CBFA2T3: variants seen among roughly 807,000 people sequenced by gnomAD.
The protein encoded by CBFA2T3 is transcriptional corepressor CBFA2T3.
CBFA2T3 carries 31 observed loss-of-function variants against 58.6 expected under a neutral mutation model. The ratio of observed to expected loss-of-function variants is 0.53; its 90% CI spans 0.40 to 0.71. CBFA2T3 has a LOEUF of 0.71. Ranked by LOEUF, CBFA2T3 falls within the 30% of genes least tolerant of loss-of-function variation. The pLI is 0.00. For synonymous variants in CBFA2T3, 531 were observed against 421.9 expected (o/e 1.26, Z -3.17); for missense variants, 1,076 against 963.1 (o/e 1.12, Z -1.55).
intron 1 of CBFA2T3, among the ~76,000 whole-genome samples, chr16:88,971,803 G>T (rs1972662953): frequency 6.6e-6 from 1 of 152,192 alleles, no homozygotes; most frequent in South Asian, 2.1e-4. Context: ...TCCTGGCTCA[G>T]CTGTGACCAA....
chr16:88,930,940 G>A (rs942760082), intron 1 of CBFA2T3, among the ~76,000 whole-genome samples: 2 of 152,046 alleles, frequency 1.3e-5, no homozygotes, highest in East Asian at 1.9e-4. Context: ...GGGGCGTGGC[G>A]TTGCATTGTG....
rs111936241 is a variant in CBFA2T3 at position 88,907,241 on chromosome 16, G to A, written c.152-5585C>T. Among the ~76,000 whole-genome samples the A allele has an allele frequency of 3.3e-3, 501 of 152,348 alleles. 9 individuals are homozygous for A. Among genetic ancestry groups the A allele is most frequent in the African/African-American group, 0.012 (484 of 41,576 alleles). ...AGCATGGAATTTGGGGAGGGCTCCC[G>A]AGGCCTGGCCGCCCAGCACAAGGGG... On this transcript the variant is annotated intron_variant, in intron 1 of 11. Coordinates refer to ENST00000268679, the MANE Select transcript of CBFA2T3 (RefSeq NM_005187.6).
intron 5 of CBFA2T3, among the ~76,000 whole-genome samples, chr16:88,888,316 C>T (rs1969464343): frequency 6.7e-6 from 1 of 148,224 alleles, no homozygotes; most frequent in South Asian, 2.2e-4. Flanking sequence ...GAAGGTGCTA[C>T]CCCTCCCCCA....
intron 1 of CBFA2T3, among the ~76,000 whole-genome samples, chr16:88,920,261 G>A (rs1289521410): frequency 1.3e-5 from 2 of 152,178 alleles, no homozygotes; most frequent in African/African-American, 4.8e-5. Context: ...CCTATGAGGG[G>A]AGAACTGAAT....
chr16:88,912,851 G>T (rs1470299940), intron 1 of CBFA2T3, among the ~76,000 whole-genome samples: 7 of 152,328 alleles, frequency 4.6e-5, no homozygotes, highest in South Asian at 2.1e-4. Flanking sequence ...AGCCCAGCAG[G>T]CAGCTCCCCT....
At chr16:88,961,115 G>A (rs775537004) in intron 1 of CBFA2T3, among the ~76,000 whole-genome samples, 8 of 152,128 alleles carry the variant, frequency 5.3e-5, no homozygotes, top group Non-Finnish European at 7.4e-5. Context: ...TGTCTTCCAC[G>A]GCCTCTCCTT....
intron 1 of CBFA2T3, among the ~76,000 whole-genome samples, chr16:88,963,477 C>T (rs1461074484): frequency 6.6e-6 from 1 of 152,126 alleles, no homozygotes; most frequent in Non-Finnish European, 1.5e-5. Context: ...CCAGCGCCTC[C>T]ACCTAACTCC....
intron 1 of CBFA2T3, chr16:88,950,992 C>G (rs546933765): frequency 2.3e-6 from 1 of 438,310 alleles, no homozygotes; most frequent in East Asian, 7.3e-5. Context: ...CACCTGTCTT[C>G]CGGATCTGTT....
intron 8 of CBFA2T3, among the ~76,000 whole-genome samples, 192 bp downstream of exon 8, chr16:88,882,484 T>G (rs897119146): frequency 1.4e-5 from 2 of 144,792 alleles, no homozygotes; most frequent in Admixed American, 1.4e-4. Context: ...TGGCTGTGTG[T>G]GACTGCACGG....
intron 1 of CBFA2T3, among the ~76,000 whole-genome samples, chr16:88,947,170 C>T (rs1971925000): frequency 1.3e-5 from 2 of 152,356 alleles, no homozygotes; most frequent in South Asian, 4.1e-4. Context: ...ATGTAGGGAC[C>T]CCCCACTAGG....
Position 88,901,536 on chromosome 16 carries a change from G to GC in CBFA2T3, c.271dup (p.Ala91GlyfsTer176). ...TGGCGTGAAGGAGGGGGGGCGTGTG[G>GC]CCCCCTGGGATGCGGCAGGCGGTGG... On this transcript the variant is annotated frameshift_variant, in exon 2 of 12. Coordinates refer to ENST00000268679, the MANE Select transcript of CBFA2T3 (RefSeq NM_005187.6). LOFTEE classifies it high-confidence loss of function. The GC allele has an allele frequency of 1.4e-6, 2 of 1,477,328 alleles. No homozygotes were observed. The highest frequency in any genetic ancestry group is 1.8e-6 in the Non-Finnish European group (2 of 1,118,348). The allele number at this position is 1,477,328 out of a possible 1,614,324, so 91.5% of individuals were successfully genotyped here. A position where few individuals can be genotyped will look rare whatever the true frequency, so the allele number is the denominator to read the frequency against.
At chr16:88,959,206 G>C (rs1044120246) in intron 1 of CBFA2T3, among the ~76,000 whole-genome samples, 1 of 152,246 alleles carries the variant, frequency 6.6e-6, no homozygotes, top group Admixed American at 6.5e-5. Context: ...GGTCTGGCCT[G>C]GGCCTGCTGT....
chr16:88,918,603 A>G (rs1970815272), intron 1 of CBFA2T3, among the ~76,000 whole-genome samples: 1 of 152,210 alleles, frequency 6.6e-6, no homozygotes, highest in Non-Finnish European at 1.5e-5. Context: ...TTATGTTGTG[A>G]GCCCCACACA....
intron 1 of CBFA2T3, among the ~76,000 whole-genome samples, chr16:88,919,794 C>T (rs1212088607): frequency 5.9e-5 from 9 of 152,196 alleles, no homozygotes; most frequent in African/African-American, 1.2e-4. Context: ...CCACGTAATC[C>T]GTGGACACTG....
intron 1 of CBFA2T3, among the ~76,000 whole-genome samples, chr16:88,973,940 C>G (rs1303193375): frequency 6.6e-6 from 1 of 152,194 alleles, no homozygotes; most frequent in Non-Finnish European, 1.5e-5. Flanking sequence ...TAACACCCGC[C>G]CGCCTTTGCC....
Position 88,881,326 on chromosome 16 carries a change from C to A in CBFA2T3, c.1367G>T (p.Arg456Leu). 2 of 1,586,148 alleles carry A rather than the reference C, an allele frequency of 1.3e-6. No individual in the cohort carries two copies. Among genetic ancestry groups the A allele is most frequent in the Non-Finnish European group, 8.6e-7 (1 of 1,167,280 alleles). ...KGPAPAAARP[R>L]SSSAGPEGPQ... Reference sequence around the variant, plus strand: ...CCCTTCGGGACCGGCGGAGCTGCTGCGGGGCCGGGCCGCGGCGGGAGCGGG... The same window carrying A: ...CCCTTCGGGACCGGCGGAGCTGCTGAGGGGCCGGGCCGCGGCGGGAGCGGG... Residue 456 changes from arginine to leucine, a missense_variant, in exon 9 of 12, where the codon CGC becomes CTC. Physicochemically the swap from Arg to Leu is moderately radical, Grantham distance 102. Transcript: ENST00000268679.
intron 5 of CBFA2T3, 46 bp downstream of exon 5, chr16:88,891,836 C>T (rs1364298254): frequency 7.4e-7 from 1 of 1,351,478 alleles, no homozygotes; most frequent in Non-Finnish European, 1.1e-6. Context: ...GATTAAGGGG[C>T]CTTCTAGGGA....
intron 1 of CBFA2T3, among the ~76,000 whole-genome samples, chr16:88,969,635 G>C (rs1481495316): frequency 2.0e-5 from 3 of 152,244 alleles, no homozygotes; most frequent in African/African-American, 7.2e-5. Context: ...AGCCGAGGGA[G>C]AGGGGGGCGG....
At chr16:88,970,123 A>T (rs565698796) in intron 1 of CBFA2T3, among the ~76,000 whole-genome samples, 1 of 151,944 alleles carries the variant, frequency 6.6e-6, no homozygotes, top group South Asian at 2.1e-4. Flanking sequence ...CACTCTCCAA[A>T]AGCTGCCAGT....
Sources: allele counts gnomAD v4.1 joint callset (sites outside exome capture counted in the v4.1 genomes callset), GRCh38; gene constraint gnomAD v4.1.1; transcripts MANE v1.5; gene names NCBI Gene and HGNC (gene_info 2026-07-23, HGNC 2026-07-21).